Variants in TBCA observed in about 807,000 individuals in gnomAD.
The protein encoded by TBCA is tubulin folding cofactor A.
In TBCA, 6 loss-of-function variants were observed where a neutral mutation model predicts 15.8. The observed-to-expected ratio is 0.38, with a 90% confidence interval of 0.21 to 0.75. TBCA has a LOEUF of 0.75. Among genes scored for constraint, TBCA ranks in the 30% least tolerant of loss-of-function variants. TBCA has a pLI of 0.46. For synonymous variants in TBCA, 32 were observed against 42.3 expected, an observed-to-expected ratio of 0.76 and a Z score of 0.94; for missense variants, 90 against 131.2, an observed-to-expected ratio of 0.69 and a Z score of 1.53.
At position 77,693,345 on chromosome 5, in the gene TBCA, A is replaced by G. The variant is rs1215019423; in HGVS notation, c.167T>C (p.Ile56Thr). The G allele has an allele frequency of 6.2e-7, 1 of 1,609,856 alleles. No homozygotes were observed. The highest frequency in any genetic ancestry group is 2.2e-5 in the East Asian group (1 of 44,860). Residue 56 changes from isoleucine to threonine, a missense_variant, in exon 3 of 4, where the codon ATC (isoleucine) becomes ACC (threonine). By Grantham distance (89) the Ile-to-Thr change is moderately conservative. Coordinates refer to ENST00000380377, the MANE Select transcript of TBCA (RefSeq NM_004607.3). Reference protein sequence around the residue: ...ENYDIKKQAEILQESRMMIPD... With the variant: ...ENYDIKKQAETLQESRMMIPD... ...GATCATCATCCTGGATTCTTGTAGG[A>G]TCTCTGCCTAGAATGAGAATCTCTG...
intron 1 of TBCA, among the ~76,000 whole-genome samples, chr5:77,746,108 T>C (rs144334343): frequency 2.0e-5 from 3 of 152,174 alleles, no homozygotes; most frequent in East Asian, 3.9e-4. Flanking sequence ...TTTAGAGATA[T>C]CTGAAAGTTG....
intron 1 of TBCA, among the ~76,000 whole-genome samples, chr5:77,747,913 T>G (rs1029289668): frequency 6.6e-5 from 10 of 152,200 alleles, no homozygotes; most frequent in African/African-American, 2.4e-4. Context: ...TGTTTTTATC[T>G]TATAATTTTC....
At chr5:77,763,126 C>T (rs1425389696) in intron 1 of TBCA, among the ~76,000 whole-genome samples, 1 of 152,144 alleles carries the variant, frequency 6.6e-6, no homozygotes, top group East Asian at 1.9e-4. Context: ...CGCCTGTAGT[C>T]CCAGCTACGC....
chr5:77,752,241 AAT>A (rs1204473102), intron 1 of TBCA, among the ~76,000 whole-genome samples: 2 of 152,206 alleles, frequency 1.3e-5, no homozygotes, highest in African/African-American at 4.8e-5. Context: ...CATATGGTTT[AAT>A]AGTTACTTGG....
intron 1 of TBCA, among the ~76,000 whole-genome samples, chr5:77,717,976 C>T (rs1395806324): frequency 1.4e-5 from 2 of 145,898 alleles, no homozygotes; most frequent in African/African-American, 2.5e-5. Flanking sequence ...CTAAAAAATA[C>T]AAAATTAGCC....
chr5:77,755,944 C>CGGTGAGCA (rs1747464671), intron 1 of TBCA, among the ~76,000 whole-genome samples: 1 of 152,118 alleles, frequency 6.6e-6, no homozygotes, highest in Non-Finnish European at 1.5e-5. Flanking sequence ...GCGGAGGTTG[C>CGGTGAGCA]GGTGAGCAGT....
intron 1 of TBCA, among the ~76,000 whole-genome samples, chr5:77,732,638 T>A (rs2112470112): frequency 6.6e-6 from 1 of 151,958 alleles, no homozygotes; most frequent in African/African-American, 2.4e-5. Context: ...TCCAAAAGCA[T>A]GTGCTCACTC....
At chr5:77,697,649 A>G (rs540649666) in intron 2 of TBCA, among the ~76,000 whole-genome samples, 2 of 152,294 alleles carry the variant, frequency 1.3e-5, no homozygotes, top group East Asian at 1.9e-4. Flanking sequence ...AAATGCTTAC[A>G]TTAATCAAAA....
intron 1 of TBCA, among the ~76,000 whole-genome samples, chr5:77,726,579 G>C (rs975303722): frequency 6.6e-6 from 1 of 152,210 alleles, no homozygotes; most frequent in African/African-American, 2.4e-5. Flanking sequence ...ATTATTTGTA[G>C]TATCCATTCC....
At chr5:77,775,929 C>A (rs1204802712) in intron 1 of TBCA, among the ~76,000 whole-genome samples, 2 of 152,194 alleles carry the variant, frequency 1.3e-5, no homozygotes, top group African/African-American at 2.4e-5. Flanking sequence ...ACCTTCCCAC[C>A]GCGGGCGCCG....
chr5:77,749,300 G>A, intron 1 of TBCA, among the ~76,000 whole-genome samples: 1 of 152,202 alleles, frequency 6.6e-6, no homozygotes, highest in Non-Finnish European at 1.5e-5. Flanking sequence ...CAGTAGTACA[G>A]CATGGACTAC....
intron 2 of TBCA, among the ~76,000 whole-genome samples, chr5:77,703,909 T>C (rs147177912): frequency 4.1e-4 from 61 of 148,686 alleles, no homozygotes; most frequent in African/African-American, 1.4e-3. Flanking sequence ...CGGTTTCCTA[T>C]ATGCTCTGAT....
chr5:77,693,441 G>A (rs1264010947), intron 2 of TBCA, 89 bp from the exon 3 acceptor site: 20 of 1,405,278 alleles, frequency 1.4e-5, no homozygotes, highest in Non-Finnish European at 1.7e-5. Flanking sequence ...CTTATTAAGA[G>A]GAATCAGAAA....
chr5:77,692,636 T>C (rs1445810675), intron 3 of TBCA: 2 of 985,448 alleles, frequency 2.0e-6, no homozygotes, highest in Non-Finnish European at 2.4e-6. Flanking sequence ...AGCTACTAGA[T>C]TCATGAGAGA....
intron 1 of TBCA, among the ~76,000 whole-genome samples, chr5:77,729,217 G>A (rs2112465543): frequency 6.6e-6 from 1 of 152,138 alleles, no homozygotes; most frequent in Middle Eastern, 3.4e-3. Flanking sequence ...GGGAGGCTAA[G>A]GCAGGAGAAT....
At chr5:77,759,010 A>C (rs1021340511) in intron 1 of TBCA, among the ~76,000 whole-genome samples, 5 of 152,212 alleles carry the variant, frequency 3.3e-5, no homozygotes, top group Non-Finnish European at 7.3e-5. Context: ...TTAGAGAGGC[A>C]GTGGGATAAC....
At chr5:77,693,799 C>CAAAAAAAA (rs70991303) in intron 2 of TBCA, among the ~76,000 whole-genome samples, 6 of 77,954 alleles carry the variant, frequency 7.7e-5, no homozygotes, top group African/African-American at 1.3e-4. Flanking sequence ...AACTCCATCT[C>CAAAAAAAA]AAAAAAAAAA....
chr5:77,699,070 C>T lies in TBCA; in HGVS notation c.160-5718G>A, dbSNP rs188177455. ...AAAAAAAAAAAAAAGAAATACTTAG[C>T]TATACATTTATAATGTGCAGGATCT... On this transcript the variant is annotated intron_variant, in intron 2 of 3. Coordinates refer to ENST00000380377, the MANE Select transcript of TBCA (RefSeq NM_004607.3). Among the ~76,000 whole-genome samples, 17 of 137,366 alleles carry T rather than the reference C, an allele frequency of 1.2e-4. No homozygotes were observed. In the East Asian group the frequency reaches 3.8e-3, roughly 31 times the overall value. 90.1% of individuals were successfully genotyped at this position (137,366 alleles called of 152,430 possible). A position where few individuals can be genotyped will look rare whatever the true frequency, so the allele number is the denominator to read the frequency against.
intron 1 of TBCA, among the ~76,000 whole-genome samples, chr5:77,731,709 C>T (rs1419159333): frequency 2.0e-5 from 3 of 151,994 alleles, no homozygotes; most frequent in Non-Finnish European, 4.4e-5. Flanking sequence ...TCCTTTTTCC[C>T]CATTTTTGCT....
Sources: allele counts gnomAD v4.1 joint callset (sites outside exome capture counted in the v4.1 genomes callset), GRCh38; gene constraint gnomAD v4.1.1; transcripts MANE v1.5; gene names NCBI Gene and HGNC (gene_info 2026-07-23, HGNC 2026-07-21).